HPSE2: variants seen among roughly 807,000 people sequenced by gnomAD.
The protein encoded by HPSE2 is inactive heparanase-2.
A neutral mutation model predicts 60.5 loss-of-function variants in HPSE2; 38 were observed. That is an observed-to-expected ratio of 0.63 (90% CI 0.48 to 0.82). The LOEUF (loss-of-function observed/expected upper bound fraction) is 0.82. HPSE2 is among the 40% of genes least tolerant of loss of function. HPSE2 has a pLI of 0.00. For synonymous variants in HPSE2, 295 were observed against 293.2 expected (o/e 1.01, Z -0.06); for missense variants, 713 against 740.4 (o/e 0.96, Z 0.43).
intron 4 of HPSE2, among the ~76,000 whole-genome samples, chr10:98,722,378 A>T (rs1810902487): frequency 6.6e-6 from 1 of 151,764 alleles, no homozygotes; most frequent in Non-Finnish European, 1.5e-5. Context: ...AAGCTAGGAA[A>T]GAGGCATGGA....
At chr10:98,910,608 G>T (rs1953952542) in intron 3 of HPSE2, among the ~76,000 whole-genome samples, 2 of 152,160 alleles carry the variant, frequency 1.3e-5, no homozygotes. Flanking sequence ...AGAACAAGAA[G>T]GAACAATGCT....
intron 2 of HPSE2, among the ~76,000 whole-genome samples, chr10:99,160,758 G>T: frequency 6.6e-6 from 1 of 151,294 alleles, no homozygotes; most frequent in South Asian, 2.1e-4. Context: ...AATTAGCCGG[G>T]CGTAGTGGCG....
At chr10:99,085,977 C>A (rs182029804) in intron 3 of HPSE2, among the ~76,000 whole-genome samples, 93 of 152,292 alleles carry the variant, frequency 6.1e-4, no homozygotes, top group African/African-American at 1.3e-3. Flanking sequence ...CCTCTGTCAC[C>A]TGTCAAAATC....
intron 3 of HPSE2, among the ~76,000 whole-genome samples, chr10:98,958,675 C>G (rs1401907733): frequency 1.3e-5 from 2 of 152,024 alleles, no homozygotes; most frequent in Admixed American, 6.6e-5. Context: ...AGTGACTGAG[C>G]TGAACTCTAG....
At chr10:98,516,140 A>G (rs976152857) in intron 9 of HPSE2, among the ~76,000 whole-genome samples, 1 of 152,202 alleles carries the variant, frequency 6.6e-6, no homozygotes, top group Non-Finnish European at 1.5e-5. Context: ...GTCAGTGAAC[A>G]TTTCTAGAGT....
intron 3 of HPSE2, among the ~76,000 whole-genome samples, chr10:98,891,991 G>A (rs1411316373): frequency 3.3e-5 from 5 of 151,924 alleles, no homozygotes; most frequent in African/African-American, 9.7e-5. Flanking sequence ...GGCTGGACTC[G>A]AACTCCTGGG....
intron 3 of HPSE2, among the ~76,000 whole-genome samples, chr10:99,010,520 A>G (rs1000294477): frequency 5.3e-5 from 8 of 152,188 alleles, no homozygotes; most frequent in Admixed American, 5.2e-4. Context: ...AAAGATAAGA[A>G]CTTGTTTTTA....
At chr10:98,632,814 C>T (rs548220948) in intron 7 of HPSE2, among the ~76,000 whole-genome samples, 4 of 152,316 alleles carry the variant, frequency 2.6e-5, no homozygotes, top group African/African-American at 9.6e-5. Flanking sequence ...GTATAAATGT[C>T]AGGCCCCATA....
Position 98,937,258 on chromosome 10 carries a change from G to A in HPSE2, c.611-193202C>T, listed in dbSNP as rs1326105113. Among the ~76,000 whole-genome samples, 7 of 144,190 alleles carry A rather than the reference G, an allele frequency of 4.9e-5. 1 individual carries two copies. Among genetic ancestry groups the A allele is most frequent in the African/African-American group, 8.4e-5 (3 of 35,588 alleles). 94.6% of individuals were successfully genotyped at this position (144,190 alleles called of 152,430 possible). On this transcript the variant is annotated intron_variant, in intron 3 of 11. Transcript: ENST00000370552. ...CGCAGGACAGTGGGTGCAGCGCACC[G>A]TGCGCAAGCTGAAGCAGGGCAAGGC...
At chr10:98,675,579 A>ACAC (rs59595985) in intron 6 of HPSE2, among the ~76,000 whole-genome samples, 2,999 of 122,238 alleles carry the variant, frequency 0.025, 57 homozygotes, top group East Asian at 0.063. Context: ...CACACACACA[A>ACAC]TAACCAGCCA....
chr10:98,773,857 A>G (rs1262563162), intron 3 of HPSE2, among the ~76,000 whole-genome samples: 1 of 152,168 alleles, frequency 6.6e-6, no homozygotes, highest in Non-Finnish European at 1.5e-5. Flanking sequence ...GGAGTTTGAG[A>G]TCAGCCTGGG....
chr10:98,714,107 T>G (rs754023235), intron 5 of HPSE2, among the ~76,000 whole-genome samples: 11 of 151,954 alleles, frequency 7.2e-5, no homozygotes, highest in Admixed American at 2.0e-4. Flanking sequence ...CTTAATTGAT[T>G]CTCTATATCA....
chr10:98,496,067 A>C (rs1049890151), intron 9 of HPSE2, among the ~76,000 whole-genome samples: 2 of 151,334 alleles, frequency 1.3e-5, no homozygotes, highest in Non-Finnish European at 3.0e-5. Flanking sequence ...GTGTGTGTGT[A>C]AGTGTGGGTG....
At chr10:99,101,374 G>T (rs1185497463) in intron 3 of HPSE2, among the ~76,000 whole-genome samples, 1 of 152,108 alleles carries the variant, frequency 6.6e-6, no homozygotes, top group Non-Finnish European at 1.5e-5. Context: ...AACCAACAAA[G>T]ATCAAAAGAG....
At chr10:99,247,449 T>C in the HPSE2 span, among the ~76,000 whole-genome samples, 1 of 152,164 alleles carries the variant, frequency 6.6e-6, no homozygotes, top group East Asian at 1.9e-4. Context: ...CACACTTAAG[T>C]ATATAACCCA....
intron 8 of HPSE2, among the ~76,000 whole-genome samples, chr10:98,618,351 G>A (rs754894236): frequency 6.6e-6 from 1 of 152,162 alleles, no homozygotes; most frequent in Non-Finnish European, 1.5e-5. Context: ...AAGGTCTGCA[G>A]TATTTCTCAT....
chr10:98,819,860 C>T (rs1456445864), intron 3 of HPSE2, among the ~76,000 whole-genome samples: 1 of 152,050 alleles, frequency 6.6e-6, no homozygotes, highest in Non-Finnish European at 1.5e-5. Context: ...GTACTAGCCC[C>T]TGTAGTACTC....
intron 6 of HPSE2, among the ~76,000 whole-genome samples, chr10:98,671,590 C>CAAAGAAA (rs1160125930): frequency 6.6e-6 from 1 of 152,118 alleles, no homozygotes; most frequent in East Asian, 1.9e-4. Context: ...ATTCAGTTTG[C>CAAAGAAA]TAATACACTT....
At chr10:98,480,994 A>G (rs2133641022) in intron 11 of HPSE2, among the ~76,000 whole-genome samples, 1 of 152,318 alleles carries the variant, frequency 6.6e-6, no homozygotes, top group Middle Eastern at 3.4e-3. Flanking sequence ...GCCTAAAGAC[A>G]CACAGCCAGC....
Sources: gnomAD v4.1 joint callset for allele counts (sites outside exome capture counted in the v4.1 genomes callset) on GRCh38, gnomAD v4.1.1 for gene constraint, MANE v1.5 for transcripts, NCBI Gene and HGNC (gene_info 2026-07-23, HGNC 2026-07-21) for gene names.